Variants in COLEC11 observed in about 807,000 individuals in gnomAD.
COLEC11 encodes the protein collectin subfamily member 11.
In COLEC11, 20 loss-of-function variants were observed where a neutral mutation model predicts 27.3. The ratio of observed to expected loss-of-function variants is 0.73; its 90% CI spans 0.51 to 1.06. COLEC11 has a LOEUF of 1.06. Ranked by LOEUF, COLEC11 falls within the 50% of genes least tolerant of loss-of-function variation. COLEC11 has a pLI of 0.00. For synonymous variants in COLEC11, 163 were observed against 154.7 expected (o/e 1.05, Z -0.40); for missense variants, 310 against 383.0 (o/e 0.81, Z 1.59).
At chr2:3,639,395 C>G (rs1192432640) in intron 4 of COLEC11, among the ~76,000 whole-genome samples, 1 of 152,168 alleles carries the variant, frequency 6.6e-6, no homozygotes, top group Admixed American at 6.5e-5. Flanking sequence ...TGCTTCGTGT[C>G]TGAGATTGTC....
intron 3 of COLEC11, among the ~76,000 whole-genome samples, chr2:3,623,449 C>T (rs889543853): frequency 1.3e-5 from 2 of 151,946 alleles, no homozygotes; most frequent in Admixed American, 6.5e-5. Flanking sequence ...TGATGGTGTC[C>T]TTTAGATCTC....
At chr2:3,636,348 G>A (rs537510531) in intron 3 of COLEC11, among the ~76,000 whole-genome samples, 2 of 152,284 alleles carry the variant, frequency 1.3e-5, no homozygotes, top group South Asian at 2.1e-4. Flanking sequence ...CCAGCTACTC[G>A]GGAGGCTGAG....
chr2:3,631,726 C>T (rs1426977265), intron 3 of COLEC11, among the ~76,000 whole-genome samples: 5 of 151,496 alleles, frequency 3.3e-5, no homozygotes, highest in South Asian at 2.1e-4. Flanking sequence ...GGCCCCTACT[C>T]GGAGGGGACT....
intron 2 of COLEC11, among the ~76,000 whole-genome samples, chr2:3,613,047 C>T (rs1015328749): frequency 2.0e-5 from 3 of 152,104 alleles, no homozygotes; most frequent in Admixed American, 1.3e-4. Flanking sequence ...ACTAGGAGCC[C>T]GCCAAGAGGG....
At chr2:3,601,636 C>T (rs77805705) in intron 1 of COLEC11, among the ~76,000 whole-genome samples, 33 of 152,290 alleles carry the variant, frequency 2.2e-4, no homozygotes, top group Non-Finnish European at 3.7e-4. Flanking sequence ...CTTGGACATC[C>T]GGGATGAGAG....
chr2:3,605,216 G>A, intron 2 of COLEC11: 2 of 423,262 alleles, frequency 4.7e-6, no homozygotes, highest in Non-Finnish European at 9.7e-6. Context: ...AGCAGAGTGT[G>A]TGCCAGTGTC....
At chr2:3,642,500 C>T (rs539368850) in intron 5 of COLEC11, among the ~76,000 whole-genome samples, 6 of 152,190 alleles carry the variant, frequency 3.9e-5, no homozygotes, top group East Asian at 1.9e-4. Context: ...GGACAGACAC[C>T]GGCTTCATCC....
intron 3 of COLEC11, among the ~76,000 whole-genome samples, chr2:3,625,688 A>G (rs1018652771): frequency 8.0e-6 from 1 of 125,474 alleles, no homozygotes. Context: ...GCTGGAGTAC[A>G]GTGGCATAAT....
At chr2:3,633,382 C>T (rs1665152761) in intron 3 of COLEC11, among the ~76,000 whole-genome samples, 2 of 152,356 alleles carry the variant, frequency 1.3e-5, no homozygotes, top group Middle Eastern at 3.4e-3. Context: ...TGGCCTTTAG[C>T]CATCTCTGAA....
intron 3 of COLEC11, among the ~76,000 whole-genome samples, chr2:3,625,440 G>T (rs528648214): frequency 6.6e-6 from 1 of 151,930 alleles, no homozygotes; most frequent in Admixed American, 6.6e-5. Context: ...GAAGGCACTC[G>T]GGAGGCTACT....
Position 3,602,995 on chromosome 2 carries a change from G to A in COLEC11, c.-26-1320G>A, listed in dbSNP as rs1009390979. Among the ~76,000 whole-genome samples, 1 of 152,208 alleles carries A rather than the reference G, an allele frequency of 6.6e-6. No homozygotes were observed. The highest frequency in any genetic ancestry group is 1.5e-5 in the Non-Finnish European group (1 of 68,040). ...TAAATGTTCTTGCTCTACTCCTGGT[G>A]CCTAGAGCTGTGCCTGACATTTGGT... On this transcript the variant is annotated intron_variant, in intron 1 of 6. Transcript: ENST00000349077. This position sits in a 1 kb window ranked among gnomAD's most constrained non-coding sequence, Gnocchi z 6.2.
rs577597674 is a variant in COLEC11, at chr2:3,643,444, G to A, written c.329G>A (p.Gly110Asp). 6.2e-7 allele frequency: 1 copy of A among 1,613,050 alleles called. No individual in the cohort carries two copies. The highest frequency in any genetic ancestry group is 8.5e-7 in the Non-Finnish European group (1 of 1,179,604). The change falls in exon 6 of 7, where the codon GGC becomes GAC. Residue 110 changes from glycine to aspartate, a missense_variant and splice_region_variant. Transcript: ENST00000349077. ...TAACGCGTGGGCCTGGCCCCCGCAGGCCTCCCATGTGAGTGCAGCCAGCTG... is the reference window on the plus strand; with the variant it reads ...TAACGCGTGGGCCTGGCCCCCGCAGACCTCCCATGTGAGTGCAGCCAGCTG... ...IGPPGPNGEP[G>D]LPCECSQLRK...
At chr2:3,637,307 C>G (rs1045416509) in intron 3 of COLEC11, among the ~76,000 whole-genome samples, 5 of 152,224 alleles carry the variant, frequency 3.3e-5, no homozygotes, top group African/African-American at 1.2e-4. Flanking sequence ...GTGTGTATGA[C>G]TTCTGGGGGA....
chr2:3,605,882 G>C, intron 2 of COLEC11: 1 of 535,730 alleles, frequency 1.9e-6, no homozygotes, highest in Non-Finnish European at 3.2e-6. Context: ...CTCTGGCTGG[G>C]GGCTTTTTTC....
chr2:3,642,209 C>T (rs181567699), intron 5 of COLEC11, among the ~76,000 whole-genome samples: 6 of 152,314 alleles, frequency 3.9e-5, no homozygotes, highest in African/African-American at 1.2e-4. Flanking sequence ...CACAGATACT[C>T]GATTTTGGAG....
chr2:3,607,954 G>T (rs1028961874), intron 2 of COLEC11, among the ~76,000 whole-genome samples: 18 of 152,330 alleles, frequency 1.2e-4, no homozygotes, highest in African/African-American at 4.3e-4. Flanking sequence ...GCCCTGGGGT[G>T]CCGTGGCACT....
Position 3,602,717 on chromosome 2 carries a change from G to T in COLEC11, c.-26-1598G>T, listed in dbSNP as rs1299655503. ...CAACCCCCAAAGCTGCTGGGCGCCG[G>T]CTCCTGTCTCCTGTCCTCTGTGCCC... On this transcript the variant is annotated intron_variant, in intron 1 of 6. Transcript: ENST00000349077. This position sits in a 1 kb window ranked among gnomAD's most constrained non-coding sequence, Gnocchi z 6.2. Among the ~76,000 whole-genome samples, 1 of 152,182 alleles carries T rather than the reference G, an allele frequency of 6.6e-6. No homozygotes were observed. The highest frequency in any genetic ancestry group is 1.5e-5 in the Non-Finnish European group (1 of 68,028).
In COLEC11 at chr2:3,613,315, T is replaced by C; in HGVS notation, c.135T>C (p.Asp45=). 1 of 1,609,700 alleles carries C rather than the reference T, an allele frequency of 6.2e-7. No individual in the cohort carries two copies. Among genetic ancestry groups the C allele is most frequent in the Non-Finnish European group, 8.5e-7 (1 of 1,178,250 alleles). The stretch of plus-strand genomic sequence containing the variant: ...TGGATGTGACTTCTTCCACAGGGGA[T>C]GCGGGAGAGAAGGGAGACAAAGGCG... ...VQILVPGLKG[D]AGEKGDKGAP... The change falls in exon 3 of 7, where the codon GAT becomes GAC. Residue 45 remains aspartate, a synonymous_variant. Transcript: ENST00000349077.
intron 3 of COLEC11, among the ~76,000 whole-genome samples, chr2:3,619,097 G>T (rs562629657): frequency 1.3e-5 from 2 of 152,112 alleles, no homozygotes; most frequent in South Asian, 2.1e-4. Flanking sequence ...ATAAGATTAT[G>T]CCATCTGCAA....
Sources: allele counts gnomAD v4.1 joint callset (sites outside exome capture counted in the v4.1 genomes callset), GRCh38; gene constraint gnomAD v4.1.1; non-coding constraint Gnocchi (gnomAD v3.1); transcripts MANE v1.5; gene names NCBI Gene and HGNC (gene_info 2026-07-23, HGNC 2026-07-21).